ZWINT: variants seen among roughly 807,000 people sequenced by gnomAD.
ZWINT encodes outer kinetochore KNL1 complex subunit ZWINT.
A neutral mutation model predicts 41.5 loss-of-function variants in ZWINT; 41 were observed. That is an observed-to-expected ratio of 0.99 (90% confidence interval 0.77 to 1.28). The LOEUF is 1.28. ZWINT is among the 50% of genes most tolerant of loss of function. ZWINT has a pLI of 0.00. For synonymous variants in ZWINT, 132 were observed against 126.8 expected (o/e 1.04, Z -0.28); for missense variants, 369 against 329.7 (o/e 1.12, Z -0.92).
At position 56,358,148 on chromosome 10, in the gene ZWINT, C is replaced by T; in HGVS notation, c.*79G>A. 1 of 717,222 alleles carries T rather than the reference C, an allele frequency of 1.4e-6. No homozygotes were observed. The highest frequency in any genetic ancestry group is 2.6e-6 in the Non-Finnish European group (1 of 378,368). 44.4% of individuals were successfully genotyped at this position (717,222 alleles called of 1,614,324 possible). A position where few individuals can be genotyped will look rare whatever the true frequency, so the allele number is the denominator to read the frequency against. ...CTGAACTCAGGAGTTCACAGTCTTT[C>T]CTGTAATGATGGTTGGGAGGTGAGG... is the stretch of plus-strand genomic sequence containing the variant. On this transcript the variant is annotated 3_prime_UTR_variant, in exon 9 of 9. Coordinates refer to ENST00000373944, the MANE Select transcript of ZWINT (RefSeq NM_007057.4).
intron 1 of ZWINT, among the ~76,000 whole-genome samples, chr10:56,360,893 G>A (rs566200789): frequency 6.6e-6 from 1 of 152,240 alleles, no homozygotes; most frequent in South Asian, 2.1e-4. Context: ...GCAGGGATGG[G>A]GATGAGAAGT....
At position 56,359,801 on chromosome 10, in the gene ZWINT, G is replaced by T; in HGVS notation, c.309C>A (p.Tyr103Ter). 1 of 1,614,116 alleles carries T rather than the reference G, an allele frequency of 6.2e-7. No homozygotes were observed. The highest frequency in any genetic ancestry group is 1.1e-5 in the South Asian group (1 of 91,084). ...TTTTGATGGCCTCTACGTGCTCCCT[G>T]TAGGTGGCCTTCAGCTCTTTCCATT... ...KEQWKELKATYREHVEAIKIG... is the reference protein window; with the variant it reads ...KEQWKELKAT Residue 103 changes from tyrosine to a stop codon, truncating the protein, a stop_gained, in exon 4 of 9, where the codon TAC becomes TAA. Coordinates refer to ENST00000373944, the MANE Select transcript of ZWINT (RefSeq NM_007057.4). LOFTEE classifies it high-confidence loss of function.
At chr10:56,359,345 T>A (rs1838259579) in intron 5 of ZWINT, 131 bp downstream of exon 5, 1 of 827,346 alleles carries the variant, frequency 1.2e-6, no homozygotes, top group South Asian at 2.5e-5. Flanking sequence ...GACACTGAGA[T>A]TCAAGCCCAT....
intron 7 of ZWINT, 41 bp downstream of exon 7, chr10:56,358,515 C>T (rs373385999): frequency 6.2e-7 from 1 of 1,613,928 alleles, no homozygotes; most frequent in Non-Finnish European, 8.5e-7. Context: ...CTTCTGTCTC[C>T]ACCTGCCAGC....
chr10:56,360,826 T>G (rs1359014083), intron 1 of ZWINT, among the ~76,000 whole-genome samples: 3 of 152,136 alleles, frequency 2.0e-5, no homozygotes, highest in Admixed American at 2.0e-4. Flanking sequence ...GAGGGCTGGA[T>G]GCCTCGGTCT....
intron 2 of ZWINT, 58 bp downstream of exon 2, chr10:56,360,235 A>G: frequency 4.3e-6 from 7 of 1,611,520 alleles, no homozygotes; most frequent in Middle Eastern, 1.7e-4. Flanking sequence ...GTATCTCAGT[A>G]AGAGGAGCCA....
At position 56,357,328 on chromosome 10, in the gene ZWINT, TAGA is replaced by T. The variant is rs996684448; in HGVS notation, c.*896_*898del. 3.7e-4 allele frequency: 57 copies of T among 152,042 alleles called. No homozygotes were observed. The highest frequency in any genetic ancestry group is 1.4e-3 in the African/African-American group (56 of 41,424). The allele number at this position is 152,042 out of a possible 1,614,324, so 9.4% of individuals were successfully genotyped here. A position where few individuals can be genotyped will look rare whatever the true frequency, so the allele number is the denominator to read the frequency against. ...ACTTAGATTATCTTCTCACAATCAA[TAGA>T]AGACCAAATTATTTTTCAAAGAAAT... On this transcript the variant is annotated 3_prime_UTR_variant, in exon 9 of 9. Coordinates refer to ENST00000373944, the MANE Select transcript of ZWINT (RefSeq NM_007057.4).
At chr10:56,359,979 A>T in intron 3 of ZWINT, 39 bp downstream of exon 3, 1 of 1,609,314 alleles carries the variant, frequency 6.2e-7, no homozygotes, top group Non-Finnish European at 8.5e-7. Context: ...TTCCTTCCCC[A>T]CTCAGGTCAG....
Position 56,360,005 on chromosome 10 carries a change from C to T in ZWINT, c.256+13G>A, listed in dbSNP as rs1838284526. On this transcript the variant is annotated intron_variant, in intron 3 of 8. Coordinates refer to ENST00000373944, the MANE Select transcript of ZWINT (RefSeq NM_007057.4). ...CTCAGGTCAGCTGCTACTACAATCC[C>T]CTGCCTACTCACGGCTCGTGTCTTC... 6.2e-7 allele frequency: 1 copy of T among 1,613,822 alleles called. No homozygotes were observed.
intron 1 of ZWINT, among the ~76,000 whole-genome samples, chr10:56,360,920 T>C (rs1215437559): frequency 6.6e-6 from 1 of 152,040 alleles, no homozygotes; most frequent in African/African-American, 2.4e-5. Context: ...GAATGTGTCG[T>C]GTTGGGACAA....
In ZWINT at chr10:56,357,706, A is replaced by C. The variant is rs948073410; in HGVS notation, c.*521T>G. On this transcript the variant is annotated 3_prime_UTR_variant, in exon 9 of 9. Transcript: ENST00000373944. ...GAGAAATGTTTTAGATAAGGCACAA[A>C]AAGATACCAAGAATGTTAACACTAG... is the stretch of plus-strand genomic sequence containing the variant. 5 of 206,924 alleles carry C rather than the reference A, an allele frequency of 2.4e-5. No homozygotes were observed. The highest frequency in any genetic ancestry group is 4.9e-5 in the Non-Finnish European group (5 of 101,286). 12.8% of individuals were successfully genotyped at this position (206,924 alleles called of 1,614,324 possible).
rs936621386 is a variant in ZWINT, at chr10:56,358,049, T to C, written c.*178A>G. 9 of 564,350 alleles carry C rather than the reference T, an allele frequency of 1.6e-5. No homozygotes were observed. The highest frequency in any genetic ancestry group is 9.4e-5 in the African/African-American group (5 of 53,378). The allele number at this position is 564,350 out of a possible 1,614,324, so 35.0% of individuals were successfully genotyped here. ...CTGCCAGCATATGAAGATGAACAAATACACAACTGAGAGAGATCCAGGGAT... is the reference window on the plus strand; with the variant it reads ...CTGCCAGCATATGAAGATGAACAAACACACAACTGAGAGAGATCCAGGGAT... On this transcript the variant is annotated 3_prime_UTR_variant, in exon 9 of 9. Transcript: ENST00000373944.
chr10:56,360,101 T>G lies in ZWINT; in HGVS notation c.173A>C (p.Gln58Pro). 6.2e-7 allele frequency: 1 copy of G among 1,614,138 alleles called. No homozygotes were observed. The highest frequency in any genetic ancestry group is 8.5e-7 in the Non-Finnish European group (1 of 1,180,026). The change falls in exon 3 of 9, where the codon CAG (glutamine) becomes CCG (proline). Residue 58 changes from glutamine (Q) to proline (P), a missense_variant. Physicochemically the swap from Gln to Pro is moderately conservative, Grantham distance 76. Coordinates refer to ENST00000373944, the MANE Select transcript of ZWINT (RefSeq NM_007057.4). ...GATGTTCTGCAGGAAATCCGCTACCTGAAGCTGGCTGCAGAGCAGCTTGTC... is the reference window on the plus strand; with the variant it reads ...GATGTTCTGCAGGAAATCCGCTACCGGAAGCTGGCTGCAGAGCAGCTTGTC... ...KKDKLLCSQL[Q>P]VADFLQNILA...
intron 3 of ZWINT, 27 bp from the exon 4 acceptor site, chr10:56,359,880 C>T (rs1188741408): frequency 2.5e-6 from 4 of 1,611,520 alleles, no homozygotes; most frequent in African/African-American, 1.3e-5. Flanking sequence ...GGAATGAGTA[C>T]ATGAGTGAGG....
At chr10:56,358,237 G>A (rs191330301) in intron 8 of ZWINT, 52 bp from the exon 9 acceptor site, 20 of 848,314 alleles carry the variant, frequency 2.4e-5, no homozygotes, top group East Asian at 4.8e-5. Context: ...TGGGAATGAG[G>A]TGTAACATAA....
chr10:56,360,910 G>C (rs1838316840), intron 1 of ZWINT, among the ~76,000 whole-genome samples: 1 of 152,144 alleles, frequency 6.6e-6, no homozygotes, highest in Admixed American at 6.5e-5. Flanking sequence ...AAGTGACTGG[G>C]AATGTGTCGT....
rs1838251578 is a variant in ZWINT, at chr10:56,359,067, T to C, written c.481-120A>G. On this transcript the variant is annotated intron_variant, in intron 5 of 8. Coordinates refer to ENST00000373944, the MANE Select transcript of ZWINT (RefSeq NM_007057.4). The stretch of plus-strand genomic sequence containing the variant: ...GGCTCAATGATGAAAAGAGGGACTC[T>C]ATTCACTTCAGGGTGGAGTAGGGGC... 4 of 1,262,038 alleles carry C rather than the reference T, an allele frequency of 3.2e-6. No individual in the cohort carries two copies. The East Asian group carries it at 9.5e-5, about 30-fold the overall frequency. The allele number at this position is 1,262,038 out of a possible 1,614,324, so 78.2% of individuals were successfully genotyped here.
chr10:56,360,494 A>G (rs1342076252), intron 1 of ZWINT, 111 bp from the exon 2 acceptor site: 8 of 908,046 alleles, frequency 8.8e-6, no homozygotes, highest in Non-Finnish European at 1.3e-5. Flanking sequence ...TATAGTATTG[A>G]GAGTCTTGCC....
At position 56,358,570 on chromosome 10, in the gene ZWINT, C is replaced by A; in HGVS notation, c.778G>T (p.Gly260Cys). Residue 260 changes from glycine to cysteine, a missense_variant, in exon 7 of 9, where the codon GGT becomes TGT. By Grantham distance (159) the Gly-to-Cys change is radical. Transcript: ENST00000373944. ...STGDTMGRDP[G>C]VSFKAVGLQP... ...CTCTCATTTACCTTGAAGGACACAC[C>A]AGGGTCTCTCCCCATGGTGTCTCCT... The A allele has an allele frequency of 6.2e-6, 10 of 1,614,046 alleles. No individual in the cohort carries two copies. Among genetic ancestry groups the A allele is most frequent in the Non-Finnish European group, 8.5e-6 (10 of 1,179,964 alleles).
Sources: gnomAD v4.1 joint callset for allele counts (sites outside exome capture counted in the v4.1 genomes callset) on GRCh38, gnomAD v4.1.1 for gene constraint, MANE v1.5 for transcripts, NCBI Gene and HGNC (gene_info 2026-07-23, HGNC 2026-07-21) for gene names.